KIAA1217: variants seen among roughly 807,000 people sequenced by gnomAD.
KIAA1217 encodes sickle tail protein homolog.
Under a neutral mutation model 163.9 loss-of-function variants are expected in KIAA1217, and 88 were observed. That is an observed-to-expected ratio of 0.54 (90% CI 0.45 to 0.64). The LOEUF (loss-of-function observed/expected upper bound fraction) is 0.64. Among genes scored for constraint, KIAA1217 ranks in the 30% least tolerant of loss-of-function variants. The probability of loss-of-function intolerance (pLI) is 0.00; values close to 1 mark genes in which losing one functional copy is unlikely to be tolerated. For synonymous variants in KIAA1217, 903 were observed against 923.1 expected, an observed-to-expected ratio of 0.98 and a Z score of 0.39; for missense variants, 2,372 against 2,475.0, an observed-to-expected ratio of 0.96 and a Z score of 0.88.
At chr10:24,211,144 TAGAA>T (rs768566937) in intron 1 of KIAA1217, among the ~76,000 whole-genome samples, 19 of 152,096 alleles carry the variant, frequency 1.2e-4, no homozygotes, top group Admixed American at 4.6e-4. Flanking sequence ...ATAGGATTAT[TAGAA>T]AGAGCTTCGC....
chr10:24,510,246 G>T (rs10828661), intron 9 of KIAA1217, among the ~76,000 whole-genome samples: 42,074 of 151,966 alleles, frequency 0.28, 5,997 homozygotes, highest in Middle Eastern at 0.39. Context: ...ACTTCTCAGG[G>T]CCTCACTTTT....
intron 1 of KIAA1217, among the ~76,000 whole-genome samples, chr10:23,728,639 T>C (rs1181754539): frequency 1.3e-5 from 2 of 152,230 alleles, no homozygotes; most frequent in Non-Finnish European, 2.9e-5. Flanking sequence ...TAGTTTCTTT[T>C]GCTGTGCAGA....
At chr10:24,112,338 A>T (rs528756697) in intron 2 of KIAA1217, among the ~76,000 whole-genome samples, 1 of 152,180 alleles carries the variant, frequency 6.6e-6, no homozygotes, top group African/African-American at 2.4e-5. Context: ...CCACCCAGGA[A>T]CAGATGGTCA....
At chr10:24,459,296 C>G (rs1018596204) in intron 5 of KIAA1217, among the ~76,000 whole-genome samples, 9 of 152,194 alleles carry the variant, frequency 5.9e-5, no homozygotes, top group Non-Finnish European at 1.0e-4. Flanking sequence ...ACTCTCACCT[C>G]TTCAGAAAAG....
chr10:24,382,123 T>C (rs1449268846), intron 3 of KIAA1217, among the ~76,000 whole-genome samples: 1 of 152,036 alleles, frequency 6.6e-6, no homozygotes. Flanking sequence ...GATTTAGACC[T>C]CTCTGTCAAG....
intron 2 of KIAA1217, among the ~76,000 whole-genome samples, chr10:24,110,908 A>G (rs1400476132): frequency 6.6e-6 from 1 of 152,220 alleles, no homozygotes; most frequent in Non-Finnish European, 1.5e-5. Flanking sequence ...TCTATTTTTA[A>G]GTTATTTTTT....
chr10:24,531,574 AC>A (rs1404208584), intron 14 of KIAA1217, among the ~76,000 whole-genome samples: 12 of 152,204 alleles, frequency 7.9e-5, no homozygotes, highest in African/African-American at 2.2e-4. Flanking sequence ...TCCTTATGAC[AC>A]CCCAGAGGAA....
chr10:24,374,049 G>A (rs1285448013), intron 2 of KIAA1217, among the ~76,000 whole-genome samples: 2 of 152,210 alleles, frequency 1.3e-5, no homozygotes, highest in Non-Finnish European at 2.9e-5. Context: ...TAACGTCTGG[G>A]TACTCTTTGG....
At chr10:24,332,716 G>A (rs551725153) in intron 2 of KIAA1217, among the ~76,000 whole-genome samples, 2 of 152,214 alleles carry the variant, frequency 1.3e-5, no homozygotes, top group South Asian at 2.1e-4. Flanking sequence ...CTGCCTCATT[G>A]GAGCACATGT....
rs572822541 is a variant in KIAA1217 at position 24,319,753 on chromosome 10, C to T, written c.355-61116C>T. Among the ~76,000 whole-genome samples, 506 of 152,284 alleles carry T rather than the reference C, an allele frequency of 3.3e-3. 3 individuals are homozygous for T. The highest frequency in any genetic ancestry group is 5.8e-3 in the Non-Finnish European group (392 of 68,026). ...CCCAACAACTGGCCCTTGAAAGGAG[C>T]TTTTCACTGGTGGGGTGTGGCCCTG... On this transcript the variant is annotated intron_variant, in intron 2 of 20. Coordinates refer to ENST00000376454, the MANE Select transcript of KIAA1217 (RefSeq NM_019590.5).
At chr10:24,455,045 T>C (rs970673841) in intron 5 of KIAA1217, among the ~76,000 whole-genome samples, 1 of 151,732 alleles carries the variant, frequency 6.6e-6, no homozygotes, top group Non-Finnish European at 1.5e-5. Flanking sequence ...TGTGGCACTG[T>C]TGGCAACCTC....
At chr10:24,539,022 G>A (rs1053188269) in intron 17 of KIAA1217, among the ~76,000 whole-genome samples, 74 of 151,640 alleles carry the variant, frequency 4.9e-4, no homozygotes, top group African/African-American at 1.7e-3. Flanking sequence ...GTGAGCCACC[G>A]CACCCAGCCG....
At chr10:24,162,029 G>T (rs910017970) in intron 2 of KIAA1217, among the ~76,000 whole-genome samples, 2 of 152,212 alleles carry the variant, frequency 1.3e-5, no homozygotes, top group East Asian at 3.8e-4. Context: ...GAGGTGCTCA[G>T]TGATGCTTTC....
intron 17 of KIAA1217, 30 bp downstream of exon 17, chr10:24,536,923 G>A (rs570513274): frequency 8.7e-6 from 14 of 1,611,478 alleles, no homozygotes; most frequent in Middle Eastern, 1.7e-4. Flanking sequence ...TTTGCCACAC[G>A]GTTGGGAGTC....
At chr10:23,764,238 T>C (rs1336090884) in intron 1 of KIAA1217, among the ~76,000 whole-genome samples, 1 of 151,792 alleles carries the variant, frequency 6.6e-6, no homozygotes, top group Non-Finnish European at 1.5e-5. Context: ...GAAATGAAAA[T>C]AAAAACCACA....
At position 24,096,483 on chromosome 10, in the gene KIAA1217, G is replaced by T. The variant is rs1045120247; in HGVS notation, c.-171+89109G>T. On this transcript the variant is annotated intron_variant, in intron 2 of 18. Transcript: ENST00000376462. ...TCTTTTTGAAACACAATAAATTGTT[G>T]CATTCCTCTGCTTTAGGCCTGCTGT... is the stretch of plus-strand genomic sequence containing the variant. 3.9e-5 allele frequency among the ~76,000 whole-genome samples: 6 copies of T among 152,224 alleles called. No homozygotes were observed. In the East Asian group the frequency reaches 5.8e-4, roughly 15 times the overall value.
chr10:24,227,889 C>T (rs2070814029), intron 2 of KIAA1217, among the ~76,000 whole-genome samples: 1 of 152,136 alleles, frequency 6.6e-6, no homozygotes, highest in Non-Finnish European at 1.5e-5. Flanking sequence ...CTGGTTTCTC[C>T]CATCAGACCA....
upstream of KIAA1217, chr10:24,208,948 C>G (rs1272645060): frequency 2.4e-6 from 1 of 415,846 alleles, no homozygotes; most frequent in Non-Finnish European, 4.4e-6. Flanking sequence ...GACGGACGGA[C>G]GGACGGACGG....
At position 24,433,018 on chromosome 10, in the gene KIAA1217, G is replaced by A; in HGVS notation, c.577G>A (p.Asp193Asn). Residue 193 changes from aspartate (D) to asparagine (N), a missense_variant, in exon 4 of 21, where the codon GAT becomes AAT. Asp to Asn is a conservative substitution (Grantham distance 23). Coordinates refer to ENST00000376454, the MANE Select transcript of KIAA1217 (RefSeq NM_019590.5). ...AGGGGTTCTCTATCTCCAGTATGGA[G>A]ATGAAACCAAGCAGCTCAGGATGCC... Reference protein sequence around the residue: ...SLGVLYLQYGDETKQLRMPNE... With the variant: ...SLGVLYLQYGNETKQLRMPNE... 1.2e-6 allele frequency: 2 copies of A among 1,614,124 alleles called. No homozygotes were observed. Among genetic ancestry groups the A allele is most frequent in the African/African-American group, 1.3e-5 (1 of 75,056 alleles).
Sources: gnomAD v4.1 joint callset for allele counts (sites outside exome capture counted in the v4.1 genomes callset) on GRCh38, gnomAD v4.1.1 for gene constraint, MANE v1.5 for transcripts, NCBI Gene and HGNC (gene_info 2026-07-23, HGNC 2026-07-21) for gene names.